The following PLA1A variants were observed in gnomAD, a reference collection of about 807,000 sequenced individuals.
The protein encoded by PLA1A is phospholipase A1 member A.
Under a neutral mutation model 49.4 loss-of-function variants are expected in PLA1A, and 47 were observed. The ratio of observed to expected loss-of-function variants is 0.95; its 90% CI spans 0.75 to 1.21. The LOEUF is 1.21. PLA1A is among the 50% of genes most tolerant of loss of function. The probability of loss-of-function intolerance (pLI) is 0.00; values close to 1 mark genes in which losing one functional copy is unlikely to be tolerated. For missense variants in PLA1A, 561 were observed against 563.9 expected, an observed-to-expected ratio of 0.99 and a Z score of 0.05; for synonymous variants, 224 against 207.9, an observed-to-expected ratio of 1.08 and a Z score of -0.67.
chr3:119,606,936 A>G lies in PLA1A; in HGVS notation c.236A>G (p.Asn79Ser), dbSNP rs1488315413. ...AGTGACCTCCAAAACTCTGGGTTCA[A>G]TGCCACTCTGGGAACCAAACTAATT... is the stretch of plus-strand genomic sequence containing the variant. The part of the protein sequence containing the change: ...GSSDLQNSGF[N>S]ATLGTKLIIH... The change falls in exon 2 of 11, where the codon AAT becomes AGT. Residue 79 changes from asparagine (N) to serine (S), a missense_variant. Physicochemically the swap from Asn to Ser is conservative, Grantham distance 46. Coordinates refer to ENST00000273371, the MANE Select transcript of PLA1A (RefSeq NM_015900.4). 9 of 1,614,084 alleles carry G rather than the reference A, an allele frequency of 5.6e-6. No individual in the cohort carries two copies. Among genetic ancestry groups the G allele is most frequent in the African/African-American group, 2.7e-5 (2 of 74,932 alleles).
intron 1 of PLA1A, among the ~76,000 whole-genome samples, chr3:119,602,237 G>C (rs530555353): frequency 1.6e-4 from 24 of 152,254 alleles, no homozygotes; most frequent in African/African-American, 5.3e-4. Flanking sequence ...GTAAGCTAGG[G>C]ATCAATAGAA....
intron 1 of PLA1A, 64 bp from the exon 2 acceptor site, chr3:119,606,710 T>A (rs1481255706): frequency 7.3e-6 from 10 of 1,361,460 alleles, no homozygotes; most frequent in Non-Finnish European, 2.1e-6. Context: ...AGGTCATCTT[T>A]CTTCCTTCTA....
At chr3:119,601,273 G>C (rs1223633895) in intron 1 of PLA1A, among the ~76,000 whole-genome samples, 2 of 152,196 alleles carry the variant, frequency 1.3e-5, no homozygotes, top group Non-Finnish European at 2.9e-5. Context: ...GTGCAGAGTA[G>C]CACATTTCCA....
rs59041895 is a variant in PLA1A, at chr3:119,622,341, TC to T, written c.1012+2691del. 0.016 allele frequency among the ~76,000 whole-genome samples: 2,463 copies of T among 152,316 alleles called. 325 individuals carry two copies. The East Asian group carries it at 0.35, about 22-fold the overall frequency. ...AAGCTTCTGTAAGTTAGCTATTTTT[TC>T]CACATTGCAAATATCATCCTTTCCA... On this transcript the variant is annotated intron_variant, in intron 8 of 10. Coordinates refer to ENST00000273371, the MANE Select transcript of PLA1A (RefSeq NM_015900.4).
At chr3:119,607,375 G>A (rs190787795) in intron 2 of PLA1A, among the ~76,000 whole-genome samples, 66 of 152,246 alleles carry the variant, frequency 4.3e-4, no homozygotes, top group African/African-American at 1.5e-3. Flanking sequence ...AGCTATGCAC[G>A]TCTCTTCTTC....
At position 119,609,646 on chromosome 3, in the gene PLA1A, T is replaced by C. The variant is rs1360216105; in HGVS notation, c.562+70T>C. 44 of 846,578 alleles carry C rather than the reference T, an allele frequency of 5.2e-5. No individual in the cohort carries two copies. The East Asian group carries it at 9.7e-4, about 19-fold the overall frequency. 52.4% of individuals were successfully genotyped at this position (846,578 alleles called of 1,614,324 possible). ...AAGCTTGCCCTGAAAATATCTCTTC[T>C]AAAGCAAGCAGAGGGGAGTACAGAG... is the stretch of plus-strand genomic sequence containing the variant. On this transcript the variant is annotated intron_variant, in intron 4 of 10. Coordinates refer to ENST00000273371, the MANE Select transcript of PLA1A (RefSeq NM_015900.4).
rs569271276 is a variant in PLA1A at position 119,599,114 on chromosome 3, G to A, written c.73+1128G>A. ...CTGATGGGGAATAGGCTCTGTCTGG[G>A]TCGGGCTAACCCAGACTGGAATCCT... is the stretch of plus-strand genomic sequence containing the variant. On this transcript the variant is annotated intron_variant, in intron 1 of 10. Coordinates refer to ENST00000273371, the MANE Select transcript of PLA1A (RefSeq NM_015900.4). 3.3e-5 allele frequency among the ~76,000 whole-genome samples: 5 copies of A among 152,254 alleles called. No individual in the cohort carries two copies. In the East Asian group the frequency reaches 9.6e-4, roughly 29 times the overall value.
chr3:119,616,634 A>G (rs554664708), intron 6 of PLA1A, among the ~76,000 whole-genome samples: 1 of 152,338 alleles, frequency 6.6e-6, no homozygotes, highest in East Asian at 1.9e-4. Context: ...ATTTCATATA[A>G]AAATTTAAAA....
chr3:119,629,178 C>T (rs185442832), intron 10 of PLA1A, among the ~76,000 whole-genome samples: 148 of 151,940 alleles, frequency 9.7e-4, no homozygotes, highest in African/African-American at 3.6e-3. Context: ...GGTGTGGATC[C>T]AGAATCCACA....
At chr3:119,621,033 G>A (rs940391178) in intron 8 of PLA1A, among the ~76,000 whole-genome samples, 8 of 152,172 alleles carry the variant, frequency 5.3e-5, no homozygotes, top group Non-Finnish European at 1.0e-4. Context: ...TTCTGTCAGC[G>A]CCACCCCATC....
intron 1 of PLA1A, among the ~76,000 whole-genome samples, chr3:119,605,110 C>A (rs2670294): frequency 6.6e-6 from 1 of 152,212 alleles, no homozygotes; most frequent in Admixed American, 6.5e-5. Flanking sequence ...TTCATCTTTT[C>A]TTTAAAGAGC....
rs79356811 is a variant in PLA1A, at chr3:119,624,634, ATTT to A, written c.1013-477_1013-475del. 4.0e-3 allele frequency among the ~76,000 whole-genome samples: 580 copies of A among 143,848 alleles called. 2 individuals are homozygous for A. The highest frequency in any genetic ancestry group is 0.013 in the African/African-American group (523 of 39,540). 94.4% of individuals were successfully genotyped at this position (143,848 alleles called of 152,430 possible). ...CACTTATTTCAGACCTAGGGTATCT[ATTT>A]TTTTTTTTTTTTAGACGGAGTCTTG... On this transcript the variant is annotated intron_variant, in intron 8 of 10. Transcript: ENST00000273371.
chr3:119,626,912 T>C (rs2052545553), intron 9 of PLA1A, among the ~76,000 whole-genome samples: 1 of 152,214 alleles, frequency 6.6e-6, no homozygotes, highest in Non-Finnish European at 1.5e-5. Flanking sequence ...GTTGTGCTAC[T>C]TCTAGAAGGG....
intron 9 of PLA1A, among the ~76,000 whole-genome samples, chr3:119,627,589 G>A (rs1051142692): frequency 6.6e-6 from 1 of 152,068 alleles, no homozygotes; most frequent in Admixed American, 6.5e-5. Flanking sequence ...GGCCAGAAAG[G>A]AACAGGAAAC....
intron 6 of PLA1A, among the ~76,000 whole-genome samples, chr3:119,617,439 A>C (rs554902442): frequency 1.3e-5 from 2 of 152,092 alleles, no homozygotes; most frequent in African/African-American, 4.8e-5. Flanking sequence ...GAGAGTTTGC[A>C]TGATCATATA....
At chr3:119,628,593 T>C in intron 9 of PLA1A, 108 bp from the exon 10 acceptor site, 1 of 943,616 alleles carries the variant, frequency 1.1e-6, no homozygotes, top group Admixed American at 2.1e-5. Flanking sequence ...AACCCCTTGG[T>C]GCATGACAGC....
intron 10 of PLA1A, 52 bp from the exon 11 acceptor site, chr3:119,629,332 C>A: frequency 2.9e-6 from 3 of 1,028,316 alleles, no homozygotes; most frequent in Non-Finnish European, 4.6e-6. Context: ...CACACAATGC[C>A]AAGCCCTGTC....
At chr3:119,625,676 T>C (rs574366649) in intron 9 of PLA1A, among the ~76,000 whole-genome samples, 1 of 152,270 alleles carries the variant, frequency 6.6e-6, no homozygotes, top group East Asian at 1.9e-4. Context: ...CAGAATGGAA[T>C]CTGAGGCACA....
intron 2 of PLA1A, among the ~76,000 whole-genome samples, chr3:119,607,433 A>G (rs1325046395): frequency 6.6e-6 from 1 of 152,196 alleles, no homozygotes; most frequent in Non-Finnish European, 1.5e-5. Flanking sequence ...ATATATAGTC[A>G]CTGAGTCTCA....
Sources: gnomAD v4.1 joint callset for allele counts (sites outside exome capture counted in the v4.1 genomes callset) on GRCh38, gnomAD v4.1.1 for gene constraint, MANE v1.5 for transcripts, NCBI Gene and HGNC (gene_info 2026-07-23, HGNC 2026-07-21) for gene names.